The following ZBTB20 variants were observed in gnomAD, a reference collection of about 807,000 sequenced individuals.
ZBTB20 encodes zinc finger and BTB domain-containing protein 20.
Under a neutral mutation model 56.9 loss-of-function variants are expected in ZBTB20, and 9 were observed. The ratio of observed to expected loss-of-function variants is 0.16; its 90% CI spans 0.10 to 0.28. The LOEUF is 0.28. Among genes scored for constraint, ZBTB20 ranks in the 10% least tolerant of loss-of-function variants. The pLI is 1.00. For synonymous variants in ZBTB20, 417 were observed against 420.7 expected, an observed-to-expected ratio of 0.99 and a Z score of 0.11; for missense variants, 655 against 1,003.0, an observed-to-expected ratio of 0.65 and a Z score of 4.69.
intron 2 of ZBTB20, among the ~76,000 whole-genome samples, chr3:115,039,546 A>G (rs562735123): frequency 7.2e-5 from 11 of 152,162 alleles, no homozygotes; most frequent in African/African-American, 2.6e-4. Context: ...GGAGGTGTTT[A>G]AAGCAGTTTT....
chr3:114,601,393 G>A (rs1396281442), intron 6 of ZBTB20, among the ~76,000 whole-genome samples: 28 of 152,046 alleles, frequency 1.8e-4, no homozygotes, highest in Admixed American at 1.8e-3. Flanking sequence ...ATATTTTGCT[G>A]TAAGCAGACG....
At chr3:114,818,567 A>G (rs1343925537) in intron 4 of ZBTB20, among the ~76,000 whole-genome samples, 1 of 152,042 alleles carries the variant, frequency 6.6e-6, no homozygotes. Context: ...AGAAAAGTCT[A>G]TGTCCATGAG....
chr3:115,084,680 G>A (rs958914136), intron 1 of ZBTB20, among the ~76,000 whole-genome samples: 2 of 151,900 alleles, frequency 1.3e-5, no homozygotes, highest in Non-Finnish European at 2.9e-5. Context: ...ATAATCTTGA[G>A]TAAATATAAA....
chr3:115,005,656 A>G (rs933703514), intron 2 of ZBTB20, among the ~76,000 whole-genome samples: 3 of 151,812 alleles, frequency 2.0e-5, no homozygotes, highest in Non-Finnish European at 2.9e-5. Context: ...GTAACAATCA[A>G]GGTGATTCAG....
chr3:115,146,050 G>A (rs1432664314), intron 1 of ZBTB20, among the ~76,000 whole-genome samples: 1 of 152,128 alleles, frequency 6.6e-6, no homozygotes, highest in African/African-American at 2.4e-5. Flanking sequence ...GTCTAGAAAG[G>A]TAACATGTTC....
At position 115,061,401 on chromosome 3, in the gene ZBTB20, A is replaced by T. The variant is rs544592313; in HGVS notation, c.-507+9818T>A. On this transcript the variant is annotated intron_variant, in intron 2 of 11. Coordinates refer to ENST00000675478, the MANE Select transcript of ZBTB20 (RefSeq NM_001348800.3). ...ACATTATATAAATATGCAAGTTTTT[A>T]AAAAAATTATGGTCATTATTATTCT... 1.3e-3 allele frequency among the ~76,000 whole-genome samples: 192 copies of T among 152,296 alleles called. 4 individuals are homozygous for T. Among genetic ancestry groups the T allele is most frequent in the South Asian group, 0.01 (50 of 4,828 alleles).
chr3:114,870,199 T>C (rs2075939604), intron 4 of ZBTB20, among the ~76,000 whole-genome samples: 1 of 152,142 alleles, frequency 6.6e-6, no homozygotes, highest in Admixed American at 6.6e-5. Context: ...CTTGATTAAT[T>C]GGCTACCTAA....
At position 114,548,804 on chromosome 3, in the gene ZBTB20, C is replaced by G. The variant is rs1447166355; in HGVS notation, c.-294-48413G>C. On this transcript the variant is annotated intron_variant, in intron 6 of 11. Transcript: ENST00000675478. The stretch of plus-strand genomic sequence containing the variant: ...AAAGTGCTGGGATTACATGCGTGAG[C>G]CACCACACTTGGCCTATGACTGGAC... 5.9e-5 allele frequency among the ~76,000 whole-genome samples: 9 copies of G among 152,258 alleles called. No homozygotes were observed. The East Asian group carries it at 1.7e-3, about 29-fold the overall frequency.
In ZBTB20 at chr3:114,436,423, A is replaced by C. The variant is rs557142400; in HGVS notation, c.-254-47318T>G. Among the ~76,000 whole-genome samples, 10 of 152,322 alleles carry C rather than the reference A, an allele frequency of 6.6e-5. No homozygotes were observed. In the South Asian group the frequency reaches 2.1e-3, roughly 32 times the overall value. ...AAACCTGTGTCCCATCTGAGCCTCA[A>C]TACTCTCATCTGTAAAAAGAGGAGA... On this transcript the variant is annotated intron_variant, in intron 7 of 11. Coordinates refer to ENST00000675478, the MANE Select transcript of ZBTB20 (RefSeq NM_001348800.3).
intron 5 of ZBTB20, among the ~76,000 whole-genome samples, chr3:114,700,700 A>G (rs1002554855): frequency 1.3e-5 from 2 of 152,192 alleles, no homozygotes; most frequent in Non-Finnish European, 2.9e-5. Context: ...AAAAGTCAGA[A>G]AGACCTGCAC....
chr3:114,590,427 G>A lies in ZBTB20; in HGVS notation c.-294-90036C>T, dbSNP rs1346862693. The stretch of plus-strand genomic sequence containing the variant: ...AGATGGTGCCACTGCACTCCAGCCT[G>A]CAGCCTGGGCGAAAGACTGAGACTC... On this transcript the variant is annotated intron_variant, in intron 6 of 11. Coordinates refer to ENST00000675478, the MANE Select transcript of ZBTB20 (RefSeq NM_001348800.3). 2.0e-5 allele frequency among the ~76,000 whole-genome samples: 3 copies of A among 151,546 alleles called. No individual in the cohort carries two copies. The East Asian group carries it at 5.8e-4, about 29-fold the overall frequency.
At chr3:114,795,639 T>C (rs2071293272) in intron 5 of ZBTB20, among the ~76,000 whole-genome samples, 1 of 152,108 alleles carries the variant, frequency 6.6e-6, no homozygotes, top group Non-Finnish European at 1.5e-5. Context: ...GAGAATTCTG[T>C]CCTGAACACC....
At chr3:114,454,211 A>AGAGAGAGAGAGAGAGAT (rs1317410658) in intron 7 of ZBTB20, among the ~76,000 whole-genome samples, 1 of 129,060 alleles carries the variant, frequency 7.7e-6, no homozygotes, top group Non-Finnish European at 1.7e-5. Flanking sequence ...AGAGAGAGAG[A>AGAGAGAGAGAGAGAGAT]AATTGGAGCT....
At chr3:114,876,365 G>A (rs946077479) in intron 4 of ZBTB20, 15 of 152,002 alleles carry the variant, frequency 9.9e-5, no homozygotes, top group Admixed American at 1.3e-4. Flanking sequence ...CAGAAGGATC[G>A]CTTGAGCCCA....
intron 6 of ZBTB20, among the ~76,000 whole-genome samples, chr3:114,594,819 T>G (rs2056165456): frequency 6.6e-6 from 1 of 152,158 alleles, no homozygotes; most frequent in Non-Finnish European, 1.5e-5. Flanking sequence ...TAAAAAATTA[T>G]GGTTAATGCT....
intron 3 of ZBTB20, among the ~76,000 whole-genome samples, chr3:114,908,621 G>A (rs1306004222): frequency 1.3e-5 from 2 of 151,804 alleles, no homozygotes; most frequent in African/African-American, 2.4e-5. Flanking sequence ...CCGAAGAAAG[G>A]TTCATCCATA....
At position 114,566,301 on chromosome 3, in the gene ZBTB20, C is replaced by T. The variant is rs974860846; in HGVS notation, c.-294-65910G>A. ...TCTTCAGAAGGGCATGCCGAGTTTC[C>T]CTCACAGTGCGGTAACCCCTGGGTC... is the stretch of plus-strand genomic sequence containing the variant. On this transcript the variant is annotated intron_variant, in intron 6 of 11. Coordinates refer to ENST00000675478, the MANE Select transcript of ZBTB20 (RefSeq NM_001348800.3). Among the ~76,000 whole-genome samples, 6 of 152,070 alleles carry T rather than the reference C, an allele frequency of 3.9e-5. No individual in the cohort carries two copies. In the South Asian group the frequency reaches 1.0e-3, roughly 26 times the overall value.
chr3:114,578,114 T>C (rs577994708), intron 6 of ZBTB20, among the ~76,000 whole-genome samples: 1 of 151,720 alleles, frequency 6.6e-6, no homozygotes, highest in South Asian at 2.1e-4. Context: ...AGAAATAAAA[T>C]AAGAATAGGT....
chr3:115,034,631 C>T (rs1028272873), intron 2 of ZBTB20, among the ~76,000 whole-genome samples: 2 of 151,856 alleles, frequency 1.3e-5, no homozygotes, highest in African/African-American at 4.8e-5. Context: ...GAAGGCTTAA[C>T]ATTGTCAAGA....
Sources: gnomAD v4.1 joint callset for allele counts (sites outside exome capture counted in the v4.1 genomes callset) on GRCh38, gnomAD v4.1.1 for gene constraint, MANE v1.5 for transcripts, NCBI Gene and HGNC (gene_info 2026-07-23, HGNC 2026-07-21) for gene names.